Variants in ASH1L observed in about 807,000 individuals in gnomAD.
The protein encoded by ASH1L is ASH1 like histone lysine methyltransferase, also known as histone-lysine N-methyltransferase ASH1L.
ASH1L carries 23 observed loss-of-function variants against 269.0 expected under a neutral mutation model. The ratio of observed to expected loss-of-function variants is 0.09; its 90% CI spans 0.06 to 0.12. The LOEUF (loss-of-function observed/expected upper bound fraction) is 0.12. ASH1L is among the 10% of genes least tolerant of loss of function. ASH1L has a pLI of 1.00. For missense variants in ASH1L, 2,912 were observed against 3,567.8 expected (o/e 0.82, Z 4.68); for synonymous variants, 1,187 against 1,253.5 (o/e 0.95, Z 1.12).
intron 15 of ASH1L, among the ~76,000 whole-genome samples, chr1:155,355,047 G>T (rs1241099844): frequency 1.3e-5 from 2 of 152,060 alleles, no homozygotes; most frequent in African/African-American, 4.8e-5. Flanking sequence ...CTGCCATATG[G>T]TTCCCTAAAC....
chr1:155,527,917 C>T (rs1383050126), intron 1 of ASH1L, among the ~76,000 whole-genome samples: 1 of 152,092 alleles, frequency 6.6e-6, no homozygotes, highest in Non-Finnish European at 1.5e-5. Flanking sequence ...TTCTTTCCTT[C>T]CTCCATGACC....
chr1:155,477,970 A>G lies in ASH1L; in HGVS notation c.4900T>C (p.Phe1634Leu). The G allele has an allele frequency of 6.2e-7, 1 of 1,614,206 alleles. No individual in the cohort carries two copies. The highest frequency in any genetic ancestry group is 8.5e-7 in the Non-Finnish European group (1 of 1,180,034). ...TTTAGTGAAGTGTCCTGTGCAGAAA[A>G]GAGTCCAGGGCTGTCAGTTAATTTC... is the stretch of plus-strand genomic sequence containing the variant. ...RKKLTDSPGL[F>L]SAQDTSLNRL... The change falls in exon 3 of 28, where the codon TTT becomes CTT. Residue 1634 changes from phenylalanine to leucine, a missense_variant. Around this residue, in one of 13 missense-constraint regions of ASH1L, gnomAD observed 789 missense variants for 897.6 expected, o/e 0.88. Coordinates refer to ENST00000392403, the MANE Select transcript of ASH1L (RefSeq NM_018489.3).
intron 5 of ASH1L, among the ~76,000 whole-genome samples, chr1:155,422,653 GT>G (rs111943951): frequency 0.032 from 4,474 of 138,164 alleles, 211 homozygotes; most frequent in African/African-American, 0.11. Flanking sequence ...TTTTCTTTCT[GT>G]TTTTTTTTTT....
intron 1 of ASH1L, among the ~76,000 whole-genome samples, chr1:155,560,644 G>A (rs951748697): frequency 1.3e-5 from 2 of 152,082 alleles, no homozygotes; most frequent in Non-Finnish European, 2.9e-5. Flanking sequence ...CCAAGGCATG[G>A]ACCATTTATT....
At chr1:155,416,349 C>A (rs1172298431) in intron 5 of ASH1L, among the ~76,000 whole-genome samples, 1 of 152,038 alleles carries the variant, frequency 6.6e-6, no homozygotes, top group Non-Finnish European at 1.5e-5. Flanking sequence ...CAACTCTTGA[C>A]CTCAAGTAAT....
chr1:155,554,048 G>A (rs981329503), intron 1 of ASH1L, among the ~76,000 whole-genome samples: 8 of 150,358 alleles, frequency 5.3e-5, no homozygotes, highest in African/African-American at 2.0e-4. Flanking sequence ...GCCCACCTCA[G>A]CCACTCAAAG....
At position 155,553,123 on chromosome 1, in the gene ASH1L, T is replaced by C. The variant is rs181622043; in HGVS notation, c.-100+9030A>G. The stretch of plus-strand genomic sequence containing the variant: ...AATCTGATTTCAGAGTCTATGATCT[T>C]AATGACTATTTGGGATTTTCAACAA... On this transcript the variant is annotated intron_variant, in intron 1 of 27. Coordinates refer to ENST00000392403, the MANE Select transcript of ASH1L (RefSeq NM_018489.3). Among the ~76,000 whole-genome samples, 51 of 152,304 alleles carry C rather than the reference T, an allele frequency of 3.3e-4. No homozygotes were observed. In the Middle Eastern group the frequency reaches 0.024, roughly 71 times the overall value.
rs1024108484 is a variant in ASH1L, at chr1:155,480,868, A to T, written c.2002T>A (p.Ser668Thr). ...AATAAACTAGTGAAGTTAACAACTG[A>T]AGGAGTAATAGTATGAATGCTGGAT... ...SESSIHTITP[S>T]VVNFTSLFSN... Residue 668 changes from serine (S) to threonine (T), a missense_variant, in exon 3 of 28, where the codon TCA becomes ACA. Physicochemically the swap from Ser to Thr is moderately conservative, Grantham distance 58 (BLOSUM62 1). This residue lies in a region of ASH1L where 715 missense variants were observed against 721.0 expected (regional missense o/e 0.99). Coordinates refer to ENST00000392403, the MANE Select transcript of ASH1L (RefSeq NM_018489.3). The T allele has an allele frequency of 1.9e-6, 3 of 1,613,756 alleles. No homozygotes were observed. The highest frequency in any genetic ancestry group is 3.3e-5 in the Admixed American group (2 of 59,964).
rs1392856984 is a variant in ASH1L, at chr1:155,336,459, C to T, written c.*1201G>A. 2.0e-5 allele frequency: 3 copies of T among 152,194 alleles called. No individual in the cohort carries two copies. Among genetic ancestry groups the T allele is most frequent in the Non-Finnish European group, 4.4e-5 (3 of 67,966 alleles). 9.4% of individuals were successfully genotyped at this position (152,194 alleles called of 1,614,324 possible). ...AAAACCATCTTTTCTCTTATAAGAA[C>T]ATCTAAAACATATATGCATATGTAT... On this transcript the variant is annotated 3_prime_UTR_variant, in exon 28 of 28. Transcript: ENST00000392403.
At position 155,479,398 on chromosome 1, in the gene ASH1L, T is replaced by C. The variant is rs756989942; in HGVS notation, c.3472A>G (p.Arg1158Gly). The change falls in exon 3 of 28, where the codon AGG becomes GGG. Residue 1158 changes from arginine to glycine, a missense_variant. By Grantham distance (125) the Arg-to-Gly change is moderately radical. Transcript: ENST00000392403. ...AAAGTAGGAGGAGATAACCGCCTCC[T>C]CCCCTTTGAGGCCTTCTTCATTGCA... is the stretch of plus-strand genomic sequence containing the variant. ...TLAMKKASKG[R>G]RRLSPPTLLP... 6.2e-7 allele frequency: 1 copy of C among 1,614,054 alleles called. No homozygotes were observed. The highest frequency in any genetic ancestry group is 8.5e-7 in the Non-Finnish European group (1 of 1,179,988).
At chr1:155,470,440 C>T (rs1410154292) in intron 3 of ASH1L, among the ~76,000 whole-genome samples, 1 of 150,362 alleles carries the variant, frequency 6.7e-6, no homozygotes, top group African/African-American at 2.5e-5. Context: ...GCCTGGCCAA[C>T]AGAGTGAGTC....
intron 5 of ASH1L, among the ~76,000 whole-genome samples, chr1:155,435,564 A>G (rs1662020281): frequency 6.6e-6 from 1 of 151,902 alleles, no homozygotes; most frequent in Admixed American, 6.6e-5. Flanking sequence ...ACCAGCGTGT[A>G]TTGCTCCTGA....
At chr1:155,545,581 C>A (rs1670750989) in intron 1 of ASH1L, among the ~76,000 whole-genome samples, 1 of 149,286 alleles carries the variant, frequency 6.7e-6, no homozygotes, top group African/African-American at 2.5e-5. Flanking sequence ...TGATTACACA[C>A]CAAATTGATA....
At chr1:155,532,535 G>A (rs1158210617) in intron 1 of ASH1L, among the ~76,000 whole-genome samples, 1 of 152,048 alleles carries the variant, frequency 6.6e-6, no homozygotes, top group Non-Finnish European at 1.5e-5. Context: ...TAATATAGTG[G>A]TCTGGGCTGG....
chr1:155,460,206 T>C (rs1664185021), intron 3 of ASH1L, among the ~76,000 whole-genome samples: 2 of 152,248 alleles, frequency 1.3e-5, no homozygotes, highest in African/African-American at 4.8e-5. Flanking sequence ...TAAAACATTA[T>C]TTAAAATATT....
At chr1:155,439,767 G>A (rs1013586345) in intron 4 of ASH1L, among the ~76,000 whole-genome samples, 1 of 151,210 alleles carries the variant, frequency 6.6e-6, no homozygotes, top group Non-Finnish European at 1.5e-5. Context: ...TTATTCATGG[G>A]TCATACTTCT....
In ASH1L at chr1:155,407,140, T is replaced by A. The variant is rs139883177; in HGVS notation, c.6008+8604A>T. Among the ~76,000 whole-genome samples the A allele has an allele frequency of 9.6e-3, 1,466 of 152,184 alleles. 25 individuals carry two copies. The highest frequency in any genetic ancestry group is 0.032 in the African/African-American group (1,335 of 41,538). ...CGGGAGGTTCGGGCAGGAGAATTGC[T>A]TGAACCCGGGAGGCAGAGGTTGCAG... On this transcript the variant is annotated intron_variant, in intron 6 of 27. Coordinates refer to ENST00000392403, the MANE Select transcript of ASH1L (RefSeq NM_018489.3).
chr1:155,482,399 G>C lies in ASH1L; in HGVS notation c.471C>G (p.Cys157Trp). Residue 157 changes from cysteine (C) to tryptophan (W), a missense_variant, in exon 3 of 28, where the codon TGC becomes TGG. Cys to Trp is a radical substitution (Grantham distance 215). Around this residue, in one of 13 missense-constraint regions of ASH1L, gnomAD observed 277 missense variants for 367.7 expected, o/e 0.75. Transcript: ENST00000392403. ...KKADDVAAIE[C>W]QSEEVIRLHS... Reference sequence around the variant, plus strand: ...GAAGACGGATGACTTCTTCAGACTGGCATTCAATGGCTGCAACATCATCTG... The same window carrying C: ...GAAGACGGATGACTTCTTCAGACTGCCATTCAATGGCTGCAACATCATCTG... 6.2e-7 allele frequency: 1 copy of C among 1,613,904 alleles called. No homozygotes were observed. The highest frequency in any genetic ancestry group is 8.5e-7 in the Non-Finnish European group (1 of 1,179,904).
chr1:155,437,662 C>T (rs557569052), intron 5 of ASH1L, among the ~76,000 whole-genome samples: 1 of 152,124 alleles, frequency 6.6e-6, no homozygotes, highest in Non-Finnish European at 1.5e-5. Context: ...GCTGTCATAG[C>T]GGCGTTACGG....
Sources: gnomAD v4.1 joint callset for allele counts (sites outside exome capture counted in the v4.1 genomes callset) on GRCh38, gnomAD v4.1.1 for gene constraint, gnomAD v4.1.1 regional missense constraint, MANE v1.5 for transcripts, NCBI Gene and HGNC (gene_info 2026-07-23, HGNC 2026-07-21) for gene names.